ADAMTS2: variants seen among roughly 807,000 people sequenced by gnomAD.
The protein encoded by ADAMTS2 is ADAM metallopeptidase with thrombospondin type 1 motif 2.
A neutral mutation model predicts 123.0 loss-of-function variants in ADAMTS2; 50 were observed. The ratio of observed to expected loss-of-function variants is 0.41; its 90% CI spans 0.32 to 0.51. The LOEUF is 0.51. ADAMTS2 is among the 20% of genes least tolerant of loss of function. The pLI, the probability that ADAMTS2 is intolerant of heterozygous loss-of-function variation, is 0.35. For missense variants in ADAMTS2, 1,494 were observed against 1,705.2 expected, an observed-to-expected ratio of 0.88 and a Z score of 2.18; for synonymous variants, 678 against 695.4, an observed-to-expected ratio of 0.98 and a Z score of 0.39.
At chr5:179,294,907 A>G (rs1756287827) in intron 2 of ADAMTS2, among the ~76,000 whole-genome samples, 2 of 152,230 alleles carry the variant, frequency 1.3e-5, no homozygotes, top group Admixed American at 1.3e-4. Context: ...GAGGCAGTCT[A>G]AAGAAGGAAG....
At chr5:179,173,762 C>A (rs753325061) in intron 5 of ADAMTS2, among the ~76,000 whole-genome samples, 3 of 152,004 alleles carry the variant, frequency 2.0e-5, no homozygotes, top group African/African-American at 4.8e-5. Flanking sequence ...CGCCCCATAA[C>A]CCCAGCACTT....
intron 4 of ADAMTS2, among the ~76,000 whole-genome samples, chr5:179,195,485 A>G (rs1764405302): frequency 6.6e-6 from 1 of 152,240 alleles, no homozygotes; most frequent in African/African-American, 2.4e-5. Flanking sequence ...AAAAATAATT[A>G]GATTTCCCAA....
Position 179,317,088 on chromosome 5 carries a change from G to A in ADAMTS2, c.534+26679C>T, listed in dbSNP as rs55736255. 0.043 allele frequency among the ~76,000 whole-genome samples: 6,553 copies of A among 152,256 alleles called. 198 individuals carry two copies. The highest frequency in any genetic ancestry group is 0.085 in the South Asian group (408 of 4,824). On this transcript the variant is annotated intron_variant, in intron 2 of 21. Coordinates refer to ENST00000251582, the MANE Select transcript of ADAMTS2 (RefSeq NM_014244.5). This position sits in a 1 kb window ranked among gnomAD's most constrained non-coding sequence, Gnocchi z 4.9. ...TAATTCTCAGCAACAGACAATTACAGGAACACAAGGACAAAGCCCAGAGCC... is the reference window on the plus strand; with the variant it reads ...TAATTCTCAGCAACAGACAATTACAAGAACACAAGGACAAAGCCCAGAGCC...
chr5:179,150,129 C>T (rs28473462), intron 10 of ADAMTS2, among the ~76,000 whole-genome samples: 61,128 of 149,202 alleles, frequency 0.41, 12,500 homozygotes, highest in Middle Eastern at 0.5. Flanking sequence ...CCAGCTCCTG[C>T]TCCTGCTCCT....
chr5:179,220,877 G>T (rs1006220071), intron 3 of ADAMTS2, among the ~76,000 whole-genome samples: 11 of 152,206 alleles, frequency 7.2e-5, no homozygotes, highest in African/African-American at 2.2e-4. Flanking sequence ...CCTGGGAAGA[G>T]CTTGCAGCCA....
At chr5:179,149,656 G>T (rs1483306056) in intron 10 of ADAMTS2, among the ~76,000 whole-genome samples, 1 of 152,230 alleles carries the variant, frequency 6.6e-6, no homozygotes, top group Non-Finnish European at 1.5e-5. Flanking sequence ...GAAGATGATT[G>T]CTTTCCAGAT....
At chr5:179,268,785 C>G (rs35753) in intron 3 of ADAMTS2, among the ~76,000 whole-genome samples, 84,172 of 152,100 alleles carry the variant, frequency 0.55, 24,065 homozygotes, top group African/African-American at 0.71. Flanking sequence ...CTGGGGAGGC[C>G]TAAGTGAAGC....
chr5:179,292,076 C>T (rs932414610), intron 2 of ADAMTS2, among the ~76,000 whole-genome samples: 3 of 151,860 alleles, frequency 2.0e-5, no homozygotes, highest in Admixed American at 6.6e-5. Flanking sequence ...CAGATGAGGA[C>T]GTATGGCTCA....
intron 2 of ADAMTS2, among the ~76,000 whole-genome samples, chr5:179,296,316 C>T (rs1024716512): frequency 2.0e-5 from 3 of 151,810 alleles, no homozygotes; most frequent in Non-Finnish European, 4.4e-5. Flanking sequence ...GGGGCAATGC[C>T]GGGGCCTGTC....
At chr5:179,273,424 C>G (rs1406332798) in intron 2 of ADAMTS2, among the ~76,000 whole-genome samples, 1 of 152,166 alleles carries the variant, frequency 6.6e-6, no homozygotes, top group Non-Finnish European at 1.5e-5. Flanking sequence ...AGGGCATCCA[C>G]CAAAGTGCAT....
chr5:179,198,140 G>A (rs918212363), intron 4 of ADAMTS2, among the ~76,000 whole-genome samples: 2 of 152,138 alleles, frequency 1.3e-5, no homozygotes, highest in East Asian at 1.9e-4. Flanking sequence ...CAATGCCCTC[G>A]GGGGCGGGGG....
intron 4 of ADAMTS2, among the ~76,000 whole-genome samples, chr5:179,203,188 C>A (rs967270270): frequency 9.9e-5 from 15 of 152,228 alleles, no homozygotes; most frequent in African/African-American, 3.4e-4. Flanking sequence ...TGGGTCCCCA[C>A]CATCAGGGCC....
chr5:179,172,592 G>A (rs1763845718), intron 5 of ADAMTS2, among the ~76,000 whole-genome samples: 1 of 152,192 alleles, frequency 6.6e-6, no homozygotes, highest in Admixed American at 6.5e-5. Flanking sequence ...GCTGCAGGTG[G>A]ACCCCCTGCC....
chr5:179,208,059 C>CT (rs1561805982), intron 3 of ADAMTS2, among the ~76,000 whole-genome samples: 3 of 82,404 alleles, frequency 3.6e-5, no homozygotes, highest in African/African-American at 1.9e-4. Context: ...CACCGTCTGC[C>CT]TTATGGAGCC....
At chr5:179,184,804 GCT>G (rs1764132811) in intron 4 of ADAMTS2, among the ~76,000 whole-genome samples, 1 of 151,924 alleles carries the variant, frequency 6.6e-6, no homozygotes, top group South Asian at 2.1e-4. Flanking sequence ...ATGAATTGTG[GCT>G]CTGAGTAGAT....
At position 179,345,363 on chromosome 5, in the gene ADAMTS2, A is replaced by C; in HGVS notation, c.-35T>G. The C allele has an allele frequency of 9.0e-7, 1 of 1,115,282 alleles. No homozygotes were observed. Among genetic ancestry groups the C allele is most frequent in the Non-Finnish European group, 1.1e-6 (1 of 913,702 alleles). 69.1% of individuals were successfully genotyped at this position (1,115,282 alleles called of 1,614,324 possible). A position where few individuals can be genotyped will look rare whatever the true frequency, so the allele number is the denominator to read the frequency against. ...ACTGCAGCCGGGGCCCCGCACTCGC[A>C]GCCGGCGCGAAAGTTCCCCGCGAGC... On this transcript the variant is annotated 5_prime_UTR_variant, in exon 1 of 22. Coordinates refer to ENST00000251582, the MANE Select transcript of ADAMTS2 (RefSeq NM_014244.5). This position sits in a 1 kb window ranked among gnomAD's most constrained non-coding sequence, Gnocchi z 7.5.
At position 179,130,033 on chromosome 5, in the gene ADAMTS2, T is replaced by C. The variant is rs979142284; in HGVS notation, c.2356A>G (p.Lys786Glu). 6.2e-7 allele frequency: 1 copy of C among 1,614,176 alleles called. No individual in the cohort carries two copies. The highest frequency in any genetic ancestry group is 2.2e-5 in the East Asian group (1 of 44,878). Residue 786 changes from lysine (K) to glutamate (E), a missense_variant, in exon 16 of 22, where the codon AAA (lysine) becomes GAA (glutamate). Transcript: ENST00000251582. The surrounding 1 kb of genome is among the most constrained non-coding windows in gnomAD (Gnocchi z 4.3). ...TCCACGCCCATGGCAATGAAGGTTT[T>C]GGAACTGGCATCCACGTCATTCTCT... is the stretch of plus-strand genomic sequence containing the variant. ...NEENDVDASS[K>E]TFIAMGVEWE...
chr5:179,260,770 T>C lies in ADAMTS2; in HGVS notation c.688+12141A>G, dbSNP rs901429306. Among the ~76,000 whole-genome samples, 1 of 152,220 alleles carries C rather than the reference T, an allele frequency of 6.6e-6. No homozygotes were observed. The highest frequency in any genetic ancestry group is 2.4e-5 in the African/African-American group (1 of 41,462). On this transcript the variant is annotated intron_variant, in intron 3 of 21. Coordinates refer to ENST00000251582, the MANE Select transcript of ADAMTS2 (RefSeq NM_014244.5). This position sits in a 1 kb window ranked among gnomAD's most constrained non-coding sequence, Gnocchi z 4.2. ...ATTACAAGAATCCTAGGAGATGATG[T>C]ACCTGCAGCGTGCTGGCAGACGCGG...
chr5:179,136,736 C>T (rs957146445), intron 12 of ADAMTS2, among the ~76,000 whole-genome samples: 13 of 148,644 alleles, frequency 8.7e-5, no homozygotes, highest in Non-Finnish European at 1.3e-4. Flanking sequence ...TTTGGGAGGC[C>T]GAGGCAGGCG....
Sources: allele counts gnomAD v4.1 joint callset (sites outside exome capture counted in the v4.1 genomes callset), GRCh38; gene constraint gnomAD v4.1.1; non-coding constraint Gnocchi (gnomAD v3.1); transcripts MANE v1.5; gene names NCBI Gene and HGNC (gene_info 2026-07-23, HGNC 2026-07-21).